The following PNPLA7 variants were observed in gnomAD, a reference collection of about 807,000 sequenced individuals.
PNPLA7 encodes the protein patatin like domain 7, lysophospholipase, also known as patatin-like phospholipase domain-containing protein 7.
A neutral mutation model predicts 161.7 loss-of-function variants in PNPLA7; 153 were observed. That is an observed-to-expected ratio of 0.95 (90% CI 0.83 to 1.08). The LOEUF (loss-of-function observed/expected upper bound fraction) is 1.08. Ranked by LOEUF, PNPLA7 falls within the 50% of genes least tolerant of loss-of-function variation. The probability of loss-of-function intolerance (pLI) is 0.00; values close to 1 mark genes in which losing one functional copy is unlikely to be tolerated. For synonymous variants in PNPLA7, 809 were observed against 782.1 expected, an observed-to-expected ratio of 1.03 and a Z score of -0.57; for missense variants, 1,739 against 1,856.6, an observed-to-expected ratio of 0.94 and a Z score of 1.16.
intron 25 of PNPLA7, among the ~76,000 whole-genome samples, chr9:137,474,451 G>A (rs954340739): frequency 3.3e-5 from 5 of 152,134 alleles, no homozygotes; most frequent in Non-Finnish European, 7.4e-5. Flanking sequence ...ACACCAACAG[G>A]CGCCTCGTGG....
At chr9:137,522,968 G>A (rs760509197) in intron 8 of PNPLA7, 111 bp from the exon 9 acceptor site, 37 of 1,440,770 alleles carry the variant, frequency 2.6e-5, no homozygotes, top group Non-Finnish European at 3.1e-5. Context: ...CCAGTCACAC[G>A]GCTCCATTCT....
Position 137,462,349 on chromosome 9 carries a change from G to A in PNPLA7, c.3493-18C>T, listed in dbSNP as rs751953570. ...TTCAACACCTGCTGCCGTCACAGCCGCCTGAGTCTCCTGCCCCGGCCCCTA... is the reference window on the plus strand; with the variant it reads ...TTCAACACCTGCTGCCGTCACAGCCACCTGAGTCTCCTGCCCCGGCCCCTA... On this transcript the variant is annotated intron_variant, in intron 30 of 34. Transcript: ENST00000406427. 24 of 1,582,682 alleles carry A rather than the reference G, an allele frequency of 1.5e-5. No individual in the cohort carries two copies. Among genetic ancestry groups the A allele is most frequent in the Admixed American group, 7.0e-5 (4 of 57,388 alleles).
At chr9:137,514,759 C>T (rs1397782386) in intron 12 of PNPLA7, among the ~76,000 whole-genome samples, 2 of 133,272 alleles carry the variant, frequency 1.5e-5, no homozygotes, top group African/African-American at 5.9e-5. Flanking sequence ...TTGAGATGCC[C>T]GGGCCCTGTG....
At position 137,543,042 on chromosome 9, in the gene PNPLA7, C is replaced by T. The variant is rs907766376; in HGVS notation, c.507-241G>A. Among the ~76,000 whole-genome samples the T allele has an allele frequency of 9.2e-5, 14 of 152,174 alleles. No individual in the cohort carries two copies. The highest frequency in any genetic ancestry group is 3.4e-4 in the African/African-American group (14 of 41,448). Reference sequence around the variant, plus strand: ...TCTTGACCCGTGAACCTGAGCCACACACACACGGGAGGAAGGCAAAGGTGG... The same window carrying T: ...TCTTGACCCGTGAACCTGAGCCACATACACACGGGAGGAAGGCAAAGGTGG... On this transcript the variant is annotated intron_variant, in intron 6 of 34. Coordinates refer to ENST00000406427, the MANE Select transcript of PNPLA7 (RefSeq NM_001098537.3). This position sits in a 1 kb window ranked among gnomAD's most constrained non-coding sequence, Gnocchi z 6.9.
At chr9:137,505,161 C>A (rs1438085641) in intron 14 of PNPLA7, among the ~76,000 whole-genome samples, 1 of 115,328 alleles carries the variant, frequency 8.7e-6, no homozygotes, top group African/African-American at 3.4e-5. Flanking sequence ...GCACTCCAGC[C>A]TGGGCGATAC....
chr9:137,462,335 C>A lies in PNPLA7; in HGVS notation c.3493-4G>T. 6.3e-7 allele frequency: 1 copy of A among 1,593,534 alleles called. No individual in the cohort carries two copies. Among genetic ancestry groups the A allele is most frequent in the Non-Finnish European group, 8.6e-7 (1 of 1,169,002 alleles). On this transcript the variant is annotated splice_region_variant and splice_polypyrimidine_tract_variant and intron_variant, in intron 30 of 34. Transcript: ENST00000406427. ...GAATCTCTGCCATGTTCAACACCTG[C>A]TGCCGTCACAGCCGCCTGAGTCTCC...
At position 137,464,203 on chromosome 9, in the gene PNPLA7, C is replaced by T. The variant is rs776907468; in HGVS notation, c.3157-8G>A. On this transcript the variant is annotated splice_region_variant and splice_polypyrimidine_tract_variant and intron_variant, in intron 27 of 34. Coordinates refer to ENST00000406427, the MANE Select transcript of PNPLA7 (RefSeq NM_001098537.3). Reference sequence around the variant, plus strand: ...ATAAGGAATCCACAGGTCCTGCGGGCGGACGGGGCTCAGATGGGCCCTCTC... The same window carrying T: ...ATAAGGAATCCACAGGTCCTGCGGGTGGACGGGGCTCAGATGGGCCCTCTC... 24 of 1,613,594 alleles carry T rather than the reference C, an allele frequency of 1.5e-5. No homozygotes were observed. The highest frequency in any genetic ancestry group is 1.8e-5 in the Non-Finnish European group (21 of 1,179,962).
Position 137,484,754 on chromosome 9 carries a change from C to A in PNPLA7, c.2198-18G>T. On this transcript the variant is annotated intron_variant, in intron 20 of 34. Coordinates refer to ENST00000406427, the MANE Select transcript of PNPLA7 (RefSeq NM_001098537.3). ...CTGGTGGCCTGTGGAGCAAAGGACCCACGTCAGCTGGGACAGCCCACACGC... is the reference window on the plus strand; with the variant it reads ...CTGGTGGCCTGTGGAGCAAAGGACCAACGTCAGCTGGGACAGCCCACACGC... 2 of 1,593,542 alleles carry A rather than the reference C, an allele frequency of 1.3e-6. No individual in the cohort carries two copies. Among genetic ancestry groups the A allele is most frequent in the East Asian group, 2.3e-5 (1 of 44,256 alleles).
intron 20 of PNPLA7, among the ~76,000 whole-genome samples, chr9:137,489,053 A>G (rs979633284): frequency 7.1e-6 from 1 of 140,962 alleles, no homozygotes; most frequent in African/African-American, 2.7e-5. Context: ...TGACCAGCAG[A>G]CATCCCTCCC....
intron 1 of PNPLA7, among the ~76,000 whole-genome samples, chr9:137,549,569 CAAAAAAAAA>C (rs57732454): frequency 1.0e-5 from 1 of 96,040 alleles, no homozygotes; most frequent in East Asian, 4.4e-4. Context: ...GACTCCGTCT[CAAAAAAAAA>C]AAAAAAAAAA....
chr9:137,500,507 C>T lies in PNPLA7; in HGVS notation c.1757+184G>A, dbSNP rs944069298. Among the ~76,000 whole-genome samples, 3 of 151,792 alleles carry T rather than the reference C, an allele frequency of 2.0e-5. No individual in the cohort carries two copies. The highest frequency in any genetic ancestry group is 2.1e-4 in the South Asian group (1 of 4,810). ...GCTGATCGCTGCGGGCAGGTGGGGT[C>T]GGCTGACTGAGCGCTGGAGCAGGGG... On this transcript the variant is annotated intron_variant, in intron 16 of 34. Coordinates refer to ENST00000406427, the MANE Select transcript of PNPLA7 (RefSeq NM_001098537.3). The surrounding 1 kb of genome is among the most constrained non-coding windows in gnomAD (Gnocchi z 5.5).
chr9:137,529,359 G>T (rs552967589), intron 8 of PNPLA7, among the ~76,000 whole-genome samples: 2 of 152,292 alleles, frequency 1.3e-5, no homozygotes, highest in Admixed American at 1.3e-4. Flanking sequence ...ACACCATAGA[G>T]TTGGGGCTTG....
At chr9:137,475,010 C>CAAAAAAAAAAAAAAAAAAAAAAAAAAA (rs58417100) in intron 25 of PNPLA7, among the ~76,000 whole-genome samples, 2 of 63,612 alleles carry the variant, frequency 3.1e-5, no homozygotes, top group African/African-American at 1.4e-4. Context: ...GACTCTGCCT[C>CAAAAAAAAAAAAAAAAAAAAAAAAAAA]AAAAAAAAAA....
chr9:137,495,606 G>T (rs945129801), intron 18 of PNPLA7, among the ~76,000 whole-genome samples: 5 of 152,114 alleles, frequency 3.3e-5, no homozygotes, highest in African/African-American at 1.2e-4. Context: ...ACCACGCCCG[G>T]CTAGTTTTTT....
In PNPLA7 at chr9:137,481,085, G is replaced by A. The variant is rs1333080935; in HGVS notation, c.2348-62C>T. On this transcript the variant is annotated intron_variant, in intron 21 of 34. Coordinates refer to ENST00000406427, the MANE Select transcript of PNPLA7 (RefSeq NM_001098537.3). ...GCAGCCCACCTCCAACGCCAACAAG[G>A]CACCGACACCCAGCAAGGTACCGAC... 5.3e-6 allele frequency: 8 copies of A among 1,516,552 alleles called. No homozygotes were observed. The South Asian group carries it at 7.2e-5, about 14-fold the overall frequency. The allele number at this position is 1,516,552 out of a possible 1,614,324, so 93.9% of individuals were successfully genotyped here. A position where few individuals can be genotyped will look rare whatever the true frequency, so the allele number is the denominator to read the frequency against.
At position 137,500,670 on chromosome 9, in the gene PNPLA7, G is replaced by A. The variant is rs1199244341; in HGVS notation, c.1757+21C>T. The A allele has an allele frequency of 6.2e-7, 1 of 1,610,712 alleles. No homozygotes were observed. The highest frequency in any genetic ancestry group is 8.5e-7 in the Non-Finnish European group (1 of 1,179,102). ...AGGGGGGGCTGGGGCCCGCCCTGAGGTCCTGGCCCGTGGGACTCACTCATA... is the reference window on the plus strand; with the variant it reads ...AGGGGGGGCTGGGGCCCGCCCTGAGATCCTGGCCCGTGGGACTCACTCATA... On this transcript the variant is annotated intron_variant, in intron 16 of 34. Transcript: ENST00000406427. The surrounding 1 kb of genome is among the most constrained non-coding windows in gnomAD (Gnocchi z 5.5).
rs1261859191 is a variant in PNPLA7, at chr9:137,481,034, C to T, written c.2348-11G>A. The T allele has an allele frequency of 1.9e-6, 3 of 1,551,614 alleles. No individual in the cohort carries two copies. The South Asian group carries it at 3.6e-5, about 18-fold the overall frequency. ...GCAGCAGGGTCGGGCCTGAAAACAC[C>T]ACCACCAGTAACGGAGCCTGCCTGG... is the stretch of plus-strand genomic sequence containing the variant. On this transcript the variant is annotated splice_polypyrimidine_tract_variant and intron_variant, in intron 21 of 34. Transcript: ENST00000406427.
At position 137,493,043 on chromosome 9, in the gene PNPLA7, G is replaced by A. The variant is rs200763008; in HGVS notation, c.2167C>T (p.Leu723=). ...RLIHLLGEKI[L]GSLQQGPVTG... is the part of the protein sequence containing the mutation. ...ACAGGTCCCTGCTGGAGGCTGCCCA[G>A]GATCTTCTCACCCAAGAGATGAATC... The change falls in exon 20 of 35, where the codon CTG becomes TTG. Residue 723 remains leucine, a synonymous_variant. Transcript: ENST00000406427. The A allele has an allele frequency of 4.9e-5, 79 of 1,613,806 alleles. No homozygotes were observed. Among genetic ancestry groups the A allele is most frequent in the Admixed American group, 1.0e-4 (6 of 60,010 alleles).
At chr9:137,491,355 G>T in intron 20 of PNPLA7, 1 of 566,192 alleles carries the variant, frequency 1.8e-6, no homozygotes. Context: ...AGACGTAACA[G>T]AATAATTACA....
Sources: gnomAD v4.1 joint callset for allele counts (sites outside exome capture counted in the v4.1 genomes callset) on GRCh38, gnomAD v4.1.1 for gene constraint, Gnocchi (gnomAD v3.1) non-coding constraint, MANE v1.5 for transcripts, NCBI Gene and HGNC (gene_info 2026-07-23, HGNC 2026-07-21) for gene names.